Variants in NEGR1 observed in about 807,000 individuals in gnomAD.
The protein encoded by NEGR1 is neuronal growth regulator 1.
Under a neutral mutation model 40.9 loss-of-function variants are expected in NEGR1, and 10 were observed. The ratio of observed to expected loss-of-function variants is 0.24; its 90% CI spans 0.15 to 0.42. The LOEUF is 0.42. NEGR1 is among the 10% of genes least tolerant of loss of function. The pLI is 1.00. For missense variants in NEGR1, 352 were observed against 438.9 expected (o/e 0.80, Z 1.77); for synonymous variants, 185 against 166.8 (o/e 1.11, Z -0.84).
At chr1:72,076,234 G>A (rs1015399027) in intron 1 of NEGR1, among the ~76,000 whole-genome samples, 1 of 152,104 alleles carries the variant, frequency 6.6e-6, no homozygotes, top group African/African-American at 2.4e-5. Context: ...TGTGTCATAA[G>A]GGTAGAGTCC....
chr1:72,032,029 C>T (rs934223235), intron 1 of NEGR1, among the ~76,000 whole-genome samples: 1 of 152,064 alleles, frequency 6.6e-6, no homozygotes, highest in Non-Finnish European at 1.5e-5. Flanking sequence ...AGTCGCTTAC[C>T]CAAACTCACA....
intron 1 of NEGR1, among the ~76,000 whole-genome samples, chr1:72,039,277 G>A (rs1646931254): frequency 6.6e-6 from 1 of 151,964 alleles, no homozygotes; most frequent in South Asian, 2.1e-4. Flanking sequence ...TAAGCACTGG[G>A]AAGCCATTGA....
At chr1:71,860,425 T>C (rs1659911751) in intron 2 of NEGR1, among the ~76,000 whole-genome samples, 1 of 151,890 alleles carries the variant, frequency 6.6e-6, no homozygotes, top group East Asian at 1.9e-4. Flanking sequence ...TCAGTTGATA[T>C]TGTCCAAATA....
rs1214363261 is a variant in NEGR1, at chr1:71,594,236, A to G, written c.789-1268T>C. On this transcript the variant is annotated intron_variant, in intron 5 of 6. Coordinates refer to ENST00000357731, the MANE Select transcript of NEGR1 (RefSeq NM_173808.3). Reference sequence around the variant, plus strand: ...TTACCCCAAGTTTATTGCAAAGGAGATGCACTGATCACAACATAGGCTATG... The same window carrying G: ...TTACCCCAAGTTTATTGCAAAGGAGGTGCACTGATCACAACATAGGCTATG... 2.6e-5 allele frequency among the ~76,000 whole-genome samples: 4 copies of G among 152,178 alleles called. No homozygotes were observed. The East Asian group carries it at 5.8e-4, about 22-fold the overall frequency.
chr1:71,655,763 GAGA>G (rs1274844095), intron 4 of NEGR1, among the ~76,000 whole-genome samples: 1 of 152,156 alleles, frequency 6.6e-6, no homozygotes, highest in African/African-American at 2.4e-5. Flanking sequence ...AGAAGATACT[GAGA>G]AGTTTATTAT....
At chr1:72,091,405 T>A (rs991048134) in intron 1 of NEGR1, among the ~76,000 whole-genome samples, 2 of 114,034 alleles carry the variant, frequency 1.8e-5, no homozygotes, top group African/African-American at 6.8e-5. Context: ...CCTCCCTTCC[T>A]CCCTTCCTTC....
intron 3 of NEGR1, among the ~76,000 whole-genome samples, chr1:71,748,657 T>G (rs1392365045): frequency 6.6e-6 from 1 of 152,154 alleles, no homozygotes; most frequent in Non-Finnish European, 1.5e-5. Flanking sequence ...GCCAATGAAA[T>G]TTATTTCTGC....
chr1:71,464,700 C>T (rs1646734485), intron 6 of NEGR1, among the ~76,000 whole-genome samples: 1 of 151,990 alleles, frequency 6.6e-6, no homozygotes. Context: ...TGAGGAGGAC[C>T]TGTGAGCCAA....
rs912586550 is a variant in NEGR1 at position 71,404,261 on chromosome 1, A to C, written c.*3185T>G. ...TGTTATGATGAAGCATTAATTTTTC[A>C]GTTAAGTTATAAACCCCCCAAAAGT... is the stretch of plus-strand genomic sequence containing the variant. On this transcript the variant is annotated 3_prime_UTR_variant, in exon 7 of 7. Coordinates refer to ENST00000357731, the MANE Select transcript of NEGR1 (RefSeq NM_173808.3). 6.6e-6 allele frequency: 1 copy of C among 151,494 alleles called. No individual in the cohort carries two copies. The allele number at this position is 151,494 out of a possible 1,614,324, so 9.4% of individuals were successfully genotyped here.
rs1648548998 is a variant in NEGR1 at position 72,092,809 on chromosome 1, C to A, written c.177-157498G>T. On this transcript the variant is annotated intron_variant, in intron 1 of 6. Transcript: ENST00000357731. ...GGGACTACAGATGTGCACCACCAGTCCCAGCTAAGTTTTTGTATTTTTTGT... is the reference window on the plus strand; with the variant it reads ...GGGACTACAGATGTGCACCACCAGTACCAGCTAAGTTTTTGTATTTTTTGT... Among the ~76,000 whole-genome samples the A allele has an allele frequency of 2.0e-5, 3 of 151,976 alleles. No individual in the cohort carries two copies. The South Asian group carries it at 6.2e-4, about 32-fold the overall frequency.
At chr1:72,251,679 C>T (rs79287978) in intron 1 of NEGR1, among the ~76,000 whole-genome samples, 1 of 152,256 alleles carries the variant, frequency 6.6e-6, no homozygotes, top group East Asian at 1.9e-4. Flanking sequence ...AAAGTCTGTA[C>T]ATACTCAGTA....
chr1:72,058,929 T>C (rs2100490311), intron 1 of NEGR1, among the ~76,000 whole-genome samples: 1 of 151,780 alleles, frequency 6.6e-6, no homozygotes, highest in East Asian at 1.9e-4. Context: ...GAACATCTCA[T>C]TTCCTCTTTA....
chr1:72,212,999 T>C (rs529250498), intron 1 of NEGR1, among the ~76,000 whole-genome samples: 1 of 151,884 alleles, frequency 6.6e-6, no homozygotes, highest in Admixed American at 6.6e-5. Context: ...AGGAAGGTTA[T>C]GGAGTAGGGG....
At chr1:72,151,797 A>G (rs867815327) in intron 1 of NEGR1, among the ~76,000 whole-genome samples, 2 of 151,898 alleles carry the variant, frequency 1.3e-5, no homozygotes. Flanking sequence ...TTTCCACATC[A>G]TGAGTGTCTT....
intron 1 of NEGR1, among the ~76,000 whole-genome samples, chr1:71,998,147 A>C (rs762990171): frequency 6.6e-6 from 1 of 151,924 alleles, no homozygotes; most frequent in Non-Finnish European, 1.5e-5. Flanking sequence ...CTGATTTTGC[A>C]ATTTACATAA....
At chr1:72,255,796 G>A (rs999107840) in intron 1 of NEGR1, among the ~76,000 whole-genome samples, 23 of 152,048 alleles carry the variant, frequency 1.5e-4, no homozygotes, top group Admixed American at 1.1e-3. Flanking sequence ...TGATCCACAC[G>A]CCTTGGCCTC....
At chr1:71,733,009 T>C (rs1654938097) in intron 3 of NEGR1, among the ~76,000 whole-genome samples, 1 of 151,738 alleles carries the variant, frequency 6.6e-6, no homozygotes, top group Non-Finnish European at 1.5e-5. Flanking sequence ...TTAATGTGCA[T>C]CGTGAGTCTC....
intron 6 of NEGR1, among the ~76,000 whole-genome samples, chr1:71,583,121 AAAATAAAT>A (rs56672219): frequency 0.025 from 3,726 of 149,342 alleles, 94 homozygotes; most frequent in African/African-American, 0.048. Context: ...ACAGAAAGTA[AAAATAAAT>A]AAATAAATAA....
chr1:71,854,462 TA>T (rs2101816244), intron 2 of NEGR1, among the ~76,000 whole-genome samples: 1 of 152,278 alleles, frequency 6.6e-6, no homozygotes, highest in Non-Finnish European at 1.5e-5. Flanking sequence ...ATTTAGAAGA[TA>T]TTTTTTAAAA....
Sources: allele counts gnomAD v4.1 joint callset (sites outside exome capture counted in the v4.1 genomes callset), GRCh38; gene constraint gnomAD v4.1.1; transcripts MANE v1.5; gene names NCBI Gene and HGNC (gene_info 2026-07-23, HGNC 2026-07-21).